ZNF217: variants seen among roughly 807,000 people sequenced by gnomAD.
The protein encoded by ZNF217 is zinc finger protein 217.
Under a neutral mutation model 73.3 loss-of-function variants are expected in ZNF217, and 12 were observed. That is an observed-to-expected ratio of 0.16 (90% CI 0.10 to 0.27). The LOEUF (loss-of-function observed/expected upper bound fraction) is 0.27. ZNF217 is among the 10% of genes least tolerant of loss of function. ZNF217 has a pLI of 1.00. For synonymous variants in ZNF217, 588 were observed against 516.4 expected (o/e 1.14, Z -1.88); for missense variants, 1,195 against 1,327.8 (o/e 0.90, Z 1.55).
chr20:53,572,816 A>T (rs1269256563), intron 4 of ZNF217: 3 of 151,980 alleles, frequency 2.0e-5, no homozygotes, highest in African/African-American at 4.8e-5. Context: ...GCCAAGGAGA[A>T]GATGTCCCTG....
In ZNF217 at chr20:53,576,555, G is replaced by T; in HGVS notation, c.2209C>A (p.Pro737Thr). ...MHQRLEHKYN[P>T]DVHKNCRNKS... is the part of the protein sequence containing the mutation. Reference sequence around the variant, plus strand: ...TTTCGACAGTTTTTATGAACGTCAGGATTGTATTTATGCTCCAGTCTCTGG... The same window carrying T: ...TTTCGACAGTTTTTATGAACGTCAGTATTGTATTTATGCTCCAGTCTCTGG... The change falls in exon 4 of 6, where the codon CCT (proline) becomes ACT (threonine). Residue 737 changes from proline to threonine, a missense_variant. Physicochemically the swap from Pro to Thr is conservative, Grantham distance 38. This residue lies in a region of ZNF217 where 649 missense variants were observed against 642.8 expected (regional missense o/e 1.01). Coordinates refer to ENST00000371471, the MANE Select transcript of ZNF217 (RefSeq NM_006526.3). 1 of 1,614,212 alleles carries T rather than the reference G, an allele frequency of 6.2e-7. No homozygotes were observed. Among genetic ancestry groups the T allele is most frequent in the Non-Finnish European group, 8.5e-7 (1 of 1,180,040 alleles).
At chr20:53,596,745 C>T (rs895687415), upstream of ZNF217, among the ~76,000 whole-genome samples, 1 of 152,042 alleles carries the variant, frequency 6.6e-6, no homozygotes, top group Non-Finnish European at 1.5e-5. Flanking sequence ...TTCGCCATCA[C>T]TCCCTGCGTA....
At chr20:53,579,159 T>C (rs1160165497) in intron 2 of ZNF217, among the ~76,000 whole-genome samples, 1 of 152,172 alleles carries the variant, frequency 6.6e-6, no homozygotes, top group Non-Finnish European at 1.5e-5. Flanking sequence ...GGACAATGTG[T>C]CTCACGTGCA....
At chr20:53,597,184 A>G (rs185570049), upstream of ZNF217, among the ~76,000 whole-genome samples, 3 of 152,294 alleles carry the variant, frequency 2.0e-5, no homozygotes. Context: ...GAAGAACAGA[A>G]TGAGGTAGGA....
At chr20:53,596,112 A>C (rs1365537061), upstream of ZNF217, among the ~76,000 whole-genome samples, 5 of 152,282 alleles carry the variant, frequency 3.3e-5, no homozygotes, top group East Asian at 9.6e-4. Context: ...CCTGGCTCTC[A>C]GACCTTGTTG....
chr20:53,589,718 C>T (rs1186892380), intron 1 of ZNF217, among the ~76,000 whole-genome samples: 1 of 152,158 alleles, frequency 6.6e-6, no homozygotes, highest in Non-Finnish European at 1.5e-5. Context: ...GGAAAAATAA[C>T]CCAGTTCACC....
chr20:53,589,648 C>G (rs1372801602), intron 1 of ZNF217, among the ~76,000 whole-genome samples: 1 of 152,132 alleles, frequency 6.6e-6, no homozygotes, highest in Non-Finnish European at 1.5e-5. Context: ...TCCTCGTGGT[C>G]TAAATTCAAA....
chr20:53,582,864 G>C lies in ZNF217; in HGVS notation c.-38C>G. 1 of 1,558,508 alleles carries C rather than the reference G, an allele frequency of 6.4e-7. No individual in the cohort carries two copies. Among genetic ancestry groups the C allele is most frequent in the Non-Finnish European group, 8.7e-7 (1 of 1,151,028 alleles). Reference sequence around the variant, plus strand: ...TTCCGTTGGGCAATTTCTGGAGTTGGAATAAGGCCACTTGTAAGACTTGTC... The same window carrying C: ...TTCCGTTGGGCAATTTCTGGAGTTGCAATAAGGCCACTTGTAAGACTTGTC... On this transcript the variant is annotated 5_prime_UTR_variant, in exon 2 of 6. Transcript: ENST00000371471. The surrounding 1 kb of genome is among the most constrained non-coding windows in gnomAD (Gnocchi z 4.8).
chr20:53,576,201 T>C lies in ZNF217; in HGVS notation c.2563A>G (p.Lys855Glu), dbSNP rs1235052803. The change falls in exon 4 of 6, where the codon AAA becomes GAA. Residue 855 changes from lysine (K) to glutamate (E), a missense_variant. Physicochemically the swap from Lys to Glu is moderately conservative, Grantham distance 56 (BLOSUM62 1). Coordinates refer to ENST00000371471, the MANE Select transcript of ZNF217 (RefSeq NM_006526.3). ...TSVSPAPDKT[K>E]RPETKLKPLP... is the part of the protein sequence containing the mutation. The stretch of plus-strand genomic sequence containing the variant: ...GGTTTCAATTTTGTCTCGGGTCTTT[T>C]TGTCTTATCCGGTGCAGGGGAAACA... 2 of 1,614,246 alleles carry C rather than the reference T, an allele frequency of 1.2e-6. No homozygotes were observed. The highest frequency in any genetic ancestry group is 1.7e-5 in the Admixed American group (1 of 60,026).
chr20:53,585,095 GAAAA>G (rs748460021), intron 1 of ZNF217, among the ~76,000 whole-genome samples: 5 of 46,960 alleles, frequency 1.1e-4, no homozygotes, highest in Non-Finnish European at 1.6e-4. Context: ...GTGAGAATTT[GAAAA>G]AAAAAAAAAA....
In ZNF217 at chr20:53,575,982, CAAGGG is replaced by C; in HGVS notation, c.2777_2781del (p.Ala926GlyfsTer3). The C allele has an allele frequency of 6.2e-7, 1 of 1,614,224 alleles. No individual in the cohort carries two copies. On this transcript the variant is annotated frameshift_variant, in exon 4 of 6. Transcript: ENST00000371471. LOFTEE classifies it high-confidence loss of function. ...TAATTGGCCCCGGGCTGGTCAACGT[CAAGGG>C]CAACCACGCTGGACTTCAGTCTTTT...
chr20:53,575,663 A>T, intron 4 of ZNF217, 64 bp downstream of exon 4: 1 of 1,447,226 alleles, frequency 6.9e-7, no homozygotes, highest in East Asian at 2.4e-5. Flanking sequence ...TCCACTGAGA[A>T]TGCCTGGATT....
rs1053839341 is a variant in ZNF217, at chr20:53,583,016, T to C, written c.-190A>G. ...GGAAGCTCAGTGATGGTGTCACTGGTTCTTTCCACAAACAAGGCATACAGG... is the reference window on the plus strand; with the variant it reads ...GGAAGCTCAGTGATGGTGTCACTGGCTCTTTCCACAAACAAGGCATACAGG... On this transcript the variant is annotated 5_prime_UTR_variant, in exon 2 of 6. Coordinates refer to ENST00000371471, the MANE Select transcript of ZNF217 (RefSeq NM_006526.3). 4 of 564,734 alleles carry C rather than the reference T, an allele frequency of 7.1e-6. No individual in the cohort carries two copies. The highest frequency in any genetic ancestry group is 1.2e-5 in the Non-Finnish European group (4 of 330,816). 35.0% of individuals were successfully genotyped at this position (564,734 alleles called of 1,614,324 possible).
rs1372369378 is a variant in ZNF217 at position 53,578,438 on chromosome 20, T to C, written c.1379A>G (p.Asp460Gly). The change falls in exon 3 of 6, where the codon GAT becomes GGT. Residue 460 changes from aspartate (D) to glycine (G), a missense_variant. Physicochemically the swap from Asp to Gly is moderately conservative, Grantham distance 94. This residue lies in a region of ZNF217 where 116 missense variants were observed against 121.9 expected (regional missense o/e 0.95). Transcript: ENST00000371471. ...TGTAAGATGTTTTATTTTTCCTCCA[T>C]CATCATTTTTATCTTAAAGGAAAAA... ...PEGIHLDKND[D>G]GGKIKHLTSS... 1.9e-6 allele frequency: 3 copies of C among 1,564,700 alleles called. No individual in the cohort carries two copies. The highest frequency in any genetic ancestry group is 2.3e-5 in the East Asian group (1 of 43,204).
chr20:53,594,479 G>A (rs1201845379), upstream of ZNF217, among the ~76,000 whole-genome samples: 1 of 151,014 alleles, frequency 6.6e-6, no homozygotes, highest in African/African-American at 2.4e-5. Flanking sequence ...GGGAGCGAGC[G>A]GCGAGCGCGC....
In ZNF217 at chr20:53,568,346, T is replaced by C. The variant is rs1470501008; in HGVS notation, c.*942A>G. The C allele has an allele frequency of 6.6e-6, 1 of 152,096 alleles. No individual in the cohort carries two copies. Among genetic ancestry groups the C allele is most frequent in the East Asian group, 1.9e-4 (1 of 5,202 alleles). 9.4% of individuals were successfully genotyped at this position (152,096 alleles called of 1,614,324 possible). A position where few individuals can be genotyped will look rare whatever the true frequency, so the allele number is the denominator to read the frequency against. ...ATAATTTAGCATTTTTGTTTTTATA[T>C]ACTAATTTAGGCAAAACCCCCCCGC... On this transcript the variant is annotated 3_prime_UTR_variant, in exon 6 of 6. Transcript: ENST00000371471.
chr20:53,578,474 T>C (rs1303257661), intron 2 of ZNF217, 24 bp from the exon 3 acceptor site: 1 of 1,461,142 alleles, frequency 6.8e-7, no homozygotes, highest in Admixed American at 2.2e-5. Flanking sequence ...CAAAAATATT[T>C]ATATAAGAAG....
intron 4 of ZNF217, chr20:53,572,792 GTT>G (rs1349256252): frequency 1.3e-5 from 2 of 152,204 alleles, no homozygotes; most frequent in Non-Finnish European, 2.9e-5. Flanking sequence ...AGATGCTGCA[GTT>G]TGACCGAGTT....
At chr20:53,588,014 C>G (rs1239339351) in intron 1 of ZNF217, among the ~76,000 whole-genome samples, 1 of 151,880 alleles carries the variant, frequency 6.6e-6, no homozygotes, top group Non-Finnish European at 1.5e-5. Context: ...CCAAGTTAAG[C>G]GAAAGAAAAA....
Sources: allele counts gnomAD v4.1 joint callset (sites outside exome capture counted in the v4.1 genomes callset), GRCh38; gene constraint gnomAD v4.1.1; regional missense constraint gnomAD v4.1.1; non-coding constraint Gnocchi (gnomAD v3.1); transcripts MANE v1.5; gene names NCBI Gene and HGNC (gene_info 2026-07-23, HGNC 2026-07-21).